HEATR4: variants seen among roughly 807,000 people sequenced by gnomAD.
HEATR4 encodes HEAT repeat-containing protein 4.
Under a neutral mutation model 108.8 loss-of-function variants are expected in HEATR4, and 95 were observed. The observed-to-expected ratio is 0.87, with a 90% CI of 0.74 to 1.04. HEATR4 has a LOEUF of 1.04. Among genes scored for constraint, HEATR4 ranks in the 50% least tolerant of loss-of-function variants. HEATR4 has a pLI of 0.00. For synonymous variants in HEATR4, 443 were observed against 459.4 expected (o/e 0.96, Z 0.46); for missense variants, 1,152 against 1,253.8 (o/e 0.92, Z 1.23).
chr14:73,584,915 G>A, the HEATR4 span, among the ~76,000 whole-genome samples: 1 of 151,558 alleles, frequency 6.6e-6, no homozygotes, highest in Non-Finnish European at 1.5e-5. Context: ...AAACACTCCA[G>A]TGTCCCCCAC....
At chr14:73,561,843 G>C (rs1383265385), upstream of HEATR4, among the ~76,000 whole-genome samples, 1 of 152,004 alleles carries the variant, frequency 6.6e-6, no homozygotes, top group Non-Finnish European at 1.5e-5. Flanking sequence ...AAAGTATCCA[G>C]GTGAGGTGGC....
At chr14:73,562,056 A>G (rs1889537723), upstream of HEATR4, among the ~76,000 whole-genome samples, 1 of 152,106 alleles carries the variant, frequency 6.6e-6, no homozygotes, top group Non-Finnish European at 1.5e-5. Context: ...AAAATAAGCC[A>G]GAGATGAAGG....
At chr14:73,582,926 T>C in the HEATR4 span, 1 of 152,092 alleles carries the variant, frequency 6.6e-6, no homozygotes, top group Non-Finnish European at 1.5e-5. Context: ...TGCACTTCTT[T>C]CGCTGTGTGT....
Position 73,512,156 on chromosome 14 carries a change from C to G in HEATR4, c.1415-7G>C, listed in dbSNP as rs538754569. The G allele has an allele frequency of 9.9e-6, 16 of 1,613,924 alleles. No homozygotes were observed. In the Admixed American group the frequency reaches 1.7e-4, roughly 17 times the overall value. ...TCATGGTGCCACTCTATGACTGAGC[C>G]GCAGTGAGGGAAATGAAAAGAGAAC... On this transcript the variant is annotated splice_region_variant and splice_polypyrimidine_tract_variant and intron_variant, in intron 6 of 17. Transcript: ENST00000553558.
intron 17 of HEATR4, chr14:73,491,466 G>A (rs1044423005): frequency 3.4e-6 from 5 of 1,480,792 alleles, no homozygotes; most frequent in African/African-American, 1.4e-5. Context: ...GCCCTGCTGT[G>A]CACCGCGCAA....
At chr14:73,578,042 A>G in the HEATR4 span, among the ~76,000 whole-genome samples, 11 of 150,066 alleles carry the variant, frequency 7.3e-5, no homozygotes, top group African/African-American at 2.4e-4. Context: ...GTAGAGATGG[A>G]GTTTTGCCAT....
the HEATR4 span, among the ~76,000 whole-genome samples, chr14:73,614,752 A>G: frequency 2.6e-5 from 4 of 151,100 alleles, no homozygotes; most frequent in African/African-American, 9.7e-5. Flanking sequence ...GTCTCAAAAA[A>G]AAAAAAAAAA....
At chr14:73,628,124 C>T in the HEATR4 span, among the ~76,000 whole-genome samples, 1 of 151,974 alleles carries the variant, frequency 6.6e-6, no homozygotes, top group Non-Finnish European at 1.5e-5. Flanking sequence ...TTCTTTAATC[C>T]TGCCTTGGTG....
chr14:73,492,577 A>T lies in HEATR4; in HGVS notation c.2844+489T>A. Reference sequence around the variant, plus strand: ...CTGTTTTGACTGATAGGGAGAGGGCACTAAGTGTTTACGGGCTTCCAATTC... The same window carrying T: ...CTGTTTTGACTGATAGGGAGAGGGCTCTAAGTGTTTACGGGCTTCCAATTC... On this transcript the variant is annotated intron_variant, in intron 17 of 17. Coordinates refer to ENST00000553558, the MANE Select transcript of HEATR4 (RefSeq NM_001220484.1). The surrounding 1 kb of genome is among the most constrained non-coding windows in gnomAD (Gnocchi z 4.9). The T allele has an allele frequency of 6.2e-7, 1 of 1,613,920 alleles. No homozygotes were observed. The highest frequency in any genetic ancestry group is 1.1e-5 in the South Asian group (1 of 91,078).
At chr14:73,581,290 G>T in the HEATR4 span, 1 of 152,070 alleles carries the variant, frequency 6.6e-6, no homozygotes, top group Non-Finnish European at 1.5e-5. Flanking sequence ...CAGATCTGGT[G>T]TCTGGTGAGG....
chr14:73,559,723 C>T (rs1595164715), upstream of HEATR4, among the ~76,000 whole-genome samples: 1 of 151,974 alleles, frequency 6.6e-6, no homozygotes, highest in East Asian at 1.9e-4. Flanking sequence ...GCCTGGGCAG[C>T]AAGAGTGAAG....
the HEATR4 span, among the ~76,000 whole-genome samples, chr14:73,583,632 CA>C: frequency 2.9e-4 from 44 of 152,144 alleles, no homozygotes; most frequent in African/African-American, 1.1e-3. Flanking sequence ...TGATGATCCA[CA>C]GCTGTTAACA....
chr14:73,617,883 G>A, the HEATR4 span, among the ~76,000 whole-genome samples: 62 of 145,436 alleles, frequency 4.3e-4, 1 homozygote, highest in East Asian at 2.4e-3. Context: ...GGTGGCTCAC[G>A]TCTGTAATCC....
intron 3 of HEATR4, among the ~76,000 whole-genome samples, chr14:73,521,787 C>T (rs773952331): frequency 5.9e-5 from 9 of 152,182 alleles, no homozygotes; most frequent in Non-Finnish European, 7.3e-5. Flanking sequence ...GACCAAACCT[C>T]GGTGCTATGA....
chr14:73,528,579 T>C (rs1595144383), intron 2 of HEATR4, among the ~76,000 whole-genome samples: 1 of 152,026 alleles, frequency 6.6e-6, no homozygotes, highest in Non-Finnish European at 1.5e-5. Flanking sequence ...ACGGGACAGG[T>C]GTAAGGCCAA....
the HEATR4 span, among the ~76,000 whole-genome samples, chr14:73,591,106 C>T: frequency 8.4e-3 from 1,284 of 152,216 alleles, 24 homozygotes; most frequent in African/African-American, 0.029. Flanking sequence ...ATTAACGTGG[C>T]ATGGTGGTGC....
chr14:73,604,414 C>G, the HEATR4 span, among the ~76,000 whole-genome samples: 3 of 151,910 alleles, frequency 2.0e-5, no homozygotes, highest in South Asian at 6.2e-4. Flanking sequence ...ATCCACCCAC[C>G]TCGGCCTCTG....
At position 73,502,984 on chromosome 14, in the gene HEATR4, C is replaced by T. The variant is rs372061895; in HGVS notation, c.2016G>A (p.Met672Ile). 1.5e-4 allele frequency: 248 copies of T among 1,613,980 alleles called. 2 individuals are homozygous for T. In the South Asian group the frequency reaches 2.5e-3, roughly 16 times the overall value. The change falls in exon 11 of 18, where the codon ATG becomes ATA. Residue 672 changes from methionine to isoleucine, a missense_variant. Physicochemically the swap from Met to Ile is conservative, Grantham distance 10. Coordinates refer to ENST00000553558, the MANE Select transcript of HEATR4 (RefSeq NM_001220484.1). ...TCACTTCCTTATTCCAGTCATTCCA[C>T]ATCAGCTGGATCAACTTATGTTTCA... The part of the protein sequence containing the change: ...LDMKHKLIQL[M>I]WNDWNKEVRR...
chr14:73,607,621 TTTTC>T, the HEATR4 span, among the ~76,000 whole-genome samples: 1 of 152,090 alleles, frequency 6.6e-6, no homozygotes, highest in East Asian at 1.9e-4. Flanking sequence ...TTTTCTTTTC[TTTTC>T]TTTCTTTTTT....
Sources: gnomAD v4.1 joint callset for allele counts (sites outside exome capture counted in the v4.1 genomes callset) on GRCh38, gnomAD v4.1.1 for gene constraint, Gnocchi (gnomAD v3.1) non-coding constraint, MANE v1.5 for transcripts, NCBI Gene and HGNC (gene_info 2026-07-23, HGNC 2026-07-21) for gene names.